FLRT1: variants seen among roughly 807,000 people sequenced by gnomAD.
FLRT1 encodes the protein leucine-rich repeat transmembrane protein FLRT1.
A neutral mutation model predicts 30.9 loss-of-function variants in FLRT1; 14 were observed. The observed-to-expected ratio is 0.45, with a 90% confidence interval of 0.30 to 0.71. The LOEUF (loss-of-function observed/expected upper bound fraction) is 0.71, where lower values mean the gene tolerates loss of function less well. FLRT1 is among the 30% of genes least tolerant of loss of function. The pLI is 0.08. For missense variants in FLRT1, 737 were observed against 949.2 expected, an observed-to-expected ratio of 0.78 and a Z score of 2.94; for synonymous variants, 368 against 430.4, an observed-to-expected ratio of 0.85 and a Z score of 1.80.
intron 1 of FLRT1, among the ~76,000 whole-genome samples, chr11:64,069,081 G>A (rs550407403): frequency 4.0e-4 from 61 of 152,314 alleles, no homozygotes; most frequent in Non-Finnish European, 5.9e-4. Flanking sequence ...ATGGGGGCAG[G>A]AGAAGGAGCC....
chr11:64,050,511 C>A (rs2701551), intron 1 of FLRT1, among the ~76,000 whole-genome samples: 4,859 of 152,258 alleles, frequency 0.032, 262 homozygotes, highest in African/African-American at 0.11. Context: ...AGCCCCCATA[C>A]CCTCTATTGC....
intron 1 of FLRT1, among the ~76,000 whole-genome samples, chr11:64,054,729 C>A (rs1565211521): frequency 6.6e-6 from 1 of 152,094 alleles, no homozygotes; most frequent in African/African-American, 2.4e-5. Flanking sequence ...AACAAACTTC[C>A]TTGTTTCCTG....
chr11:64,107,849 G>T (rs1944790516), intron 2 of FLRT1, among the ~76,000 whole-genome samples: 1 of 152,172 alleles, frequency 6.6e-6, no homozygotes, highest in Non-Finnish European at 1.5e-5. Flanking sequence ...ACTAGGGCTT[G>T]GAAAAGCCCC....
At chr11:64,040,561 C>T (rs1361784744) in intron 1 of FLRT1, among the ~76,000 whole-genome samples, 1 of 152,204 alleles carries the variant, frequency 6.6e-6, no homozygotes, top group Non-Finnish European at 1.5e-5. Flanking sequence ...AGTGGGCTTC[C>T]TAGGCCCGGG....
intron 1 of FLRT1, among the ~76,000 whole-genome samples, chr11:64,085,633 C>T (rs983443445): frequency 6.6e-6 from 1 of 152,240 alleles, no homozygotes; most frequent in Non-Finnish European, 1.5e-5. Context: ...CTCTGCCCCA[C>T]ATGGCTGTGG....
At chr11:64,069,543 G>C (rs1447169110) in intron 1 of FLRT1, among the ~76,000 whole-genome samples, 3 of 152,328 alleles carry the variant, frequency 2.0e-5, no homozygotes, top group African/African-American at 7.2e-5. Flanking sequence ...TTGTGGGGAG[G>C]GAGGGGCTCT....
chr11:64,098,137 A>C (rs1178693079), intron 1 of FLRT1, among the ~76,000 whole-genome samples: 2 of 152,148 alleles, frequency 1.3e-5, no homozygotes, highest in Non-Finnish European at 2.9e-5. Context: ...TCCATGCAGC[A>C]GCGAGAACAC....
chr11:64,095,085 A>G (rs1267957576), intron 1 of FLRT1, among the ~76,000 whole-genome samples: 1 of 152,230 alleles, frequency 6.6e-6, no homozygotes, highest in Non-Finnish European at 1.5e-5. Flanking sequence ...AGGAAAATAT[A>G]CAATGAGAGG....
chr11:64,118,054 A>G lies in FLRT1; in HGVS notation c.1787A>G (p.Lys596Arg), dbSNP rs1475875325. The G allele has an allele frequency of 1.9e-6, 3 of 1,613,614 alleles. No homozygotes were observed. Among genetic ancestry groups the G allele is most frequent in the East Asian group, 4.5e-5 (2 of 44,874 alleles). ...RERAYNRGSR[K>R]KDDYMESGTK... ...AGGGCCTACAACCGGGGCAGCAGGA[A>G]AAAGGATGACTATATGGAGTCAGGG... The change falls in exon 3 of 3, where the codon AAA becomes AGA. Residue 596 changes from lysine to arginine, a missense_variant. Lys to Arg is a conservative substitution (Grantham distance 26). Transcript: ENST00000682287.
chr11:64,097,266 G>A (rs1307238011), intron 1 of FLRT1, among the ~76,000 whole-genome samples: 1 of 152,256 alleles, frequency 6.6e-6, no homozygotes, highest in Non-Finnish European at 1.5e-5. Flanking sequence ...AGGGGCAGGT[G>A]GCTACGGTCT....
intron 1 of FLRT1, among the ~76,000 whole-genome samples, chr11:64,076,509 G>A (rs1435044904): frequency 2.6e-5 from 4 of 152,234 alleles, no homozygotes; most frequent in Admixed American, 2.0e-4. Context: ...CATCTGTGCC[G>A]GGCCCTGTGC....
intron 1 of FLRT1, among the ~76,000 whole-genome samples, chr11:64,077,806 G>T (rs1009969229): frequency 6.6e-6 from 1 of 152,234 alleles, no homozygotes; most frequent in East Asian, 1.9e-4. Context: ...TCCGGCCGCC[G>T]CTCGGACATT....
At chr11:64,108,433 G>A (rs1043080461) in intron 2 of FLRT1, among the ~76,000 whole-genome samples, 7 of 152,220 alleles carry the variant, frequency 4.6e-5, no homozygotes, top group African/African-American at 1.7e-4. Context: ...CTGGCGAGAA[G>A]GAGGGGAGCT....
At chr11:64,058,804 T>A (rs1213637999) in intron 1 of FLRT1, among the ~76,000 whole-genome samples, 2 of 152,132 alleles carry the variant, frequency 1.3e-5, no homozygotes, top group African/African-American at 4.8e-5. Context: ...CTGGATCCTC[T>A]CTGACGGGTG....
chr11:64,086,682 C>T (rs1944401187), intron 1 of FLRT1, among the ~76,000 whole-genome samples: 2 of 152,144 alleles, frequency 1.3e-5, no homozygotes, highest in South Asian at 4.1e-4. Flanking sequence ...ATCATGTGTT[C>T]AGGGAAGACA....
intron 1 of FLRT1, among the ~76,000 whole-genome samples, chr11:64,041,286 C>T (rs918682676): frequency 7.4e-5 from 11 of 148,924 alleles, no homozygotes; most frequent in African/African-American, 1.5e-4. Flanking sequence ...CGTGAGGAGC[C>T]GGCATTTATC....
chr11:64,052,881 C>G (rs1018424521), intron 1 of FLRT1, among the ~76,000 whole-genome samples: 3 of 152,212 alleles, frequency 2.0e-5, no homozygotes, highest in African/African-American at 4.8e-5. Flanking sequence ...CAGAGCCCAC[C>G]ACTACTCCAC....
chr11:64,080,587 C>T (rs572597574), intron 1 of FLRT1, among the ~76,000 whole-genome samples: 1 of 152,298 alleles, frequency 6.6e-6, no homozygotes, highest in South Asian at 2.1e-4. Flanking sequence ...CAGTACAGTG[C>T]TCAACACGTA....
intron 1 of FLRT1, among the ~76,000 whole-genome samples, chr11:64,043,119 C>T (rs888576135): frequency 2.0e-5 from 3 of 152,226 alleles, no homozygotes; most frequent in African/African-American, 7.2e-5. Flanking sequence ...TCTGTCTCCA[C>T]ACCTGTGAAA....
Sources: gnomAD v4.1 joint callset for allele counts (sites outside exome capture counted in the v4.1 genomes callset) on GRCh38, gnomAD v4.1.1 for gene constraint, MANE v1.5 for transcripts, NCBI Gene and HGNC (gene_info 2026-07-23, HGNC 2026-07-21) for gene names.